The following UNC13C variants were observed in gnomAD, a reference collection of about 807,000 sequenced individuals.
UNC13C encodes the protein protein unc-13 homolog C.
Under a neutral mutation model 245.4 loss-of-function variants are expected in UNC13C, and 174 were observed. The ratio of observed to expected loss-of-function variants is 0.71; its 90% CI spans 0.63 to 0.80. The LOEUF (loss-of-function observed/expected upper bound fraction) is 0.80, where lower values mean the gene tolerates loss of function less well. UNC13C is among the 30% of genes least tolerant of loss of function. UNC13C has a pLI of 0.00. For missense variants in UNC13C, 2,829 were observed against 2,602.9 expected, an observed-to-expected ratio of 1.09 and a Z score of -1.89; for synonymous variants, 992 against 895.1, an observed-to-expected ratio of 1.11 and a Z score of -1.93.
chr15:53,931,224 AGTGG>A, the UNC13C span, among the ~76,000 whole-genome samples: 1 of 152,034 alleles, frequency 6.6e-6, no homozygotes, highest in African/African-American at 2.4e-5. Flanking sequence ...GCTGGAGTGC[AGTGG>A]CACGATCTTG....
the UNC13C span, among the ~76,000 whole-genome samples, chr15:53,947,424 C>A: frequency 6.6e-6 from 1 of 152,044 alleles, no homozygotes; most frequent in African/African-American, 2.4e-5. Flanking sequence ...AACAACAGTC[C>A]TCATTTCATC....
Position 53,993,412 on chromosome 15 carries a change from A to G in UNC13C, c.-257+14485A>G, listed in dbSNP as rs117554165. Among the ~76,000 whole-genome samples the G allele has an allele frequency of 9.2e-5, 14 of 152,196 alleles. No individual in the cohort carries two copies. In the East Asian group the frequency reaches 2.1e-3, roughly 23 times the overall value. ...ACCTCTCTCAGGGAGTGAGTCAACT[A>G]TGAACTCTTGGCAGCCAACATAACA... On this transcript the variant is annotated intron_variant, in intron 1 of 32. Transcript: ENST00000260323.
rs144816169 is a variant in UNC13C at position 54,500,742 on chromosome 15, C to T, written c.5158-93C>T. The T allele has an allele frequency of 6.8e-4, 667 of 984,018 alleles. 6 individuals carry two copies. The East Asian group carries it at 0.012, about 18-fold the overall frequency. 61.0% of individuals were successfully genotyped at this position (984,018 alleles called of 1,614,324 possible). ...TACTGGGAAATGTAAATATGTGATA[C>T]GGGAGATTCAGTTGTTGATGGGAAA... On this transcript the variant is annotated intron_variant, in intron 21 of 32. Transcript: ENST00000260323.
intron 19 of UNC13C, among the ~76,000 whole-genome samples, chr15:54,472,118 A>G (rs1209599747): frequency 2.0e-5 from 3 of 151,608 alleles, no homozygotes; most frequent in African/African-American, 4.8e-5. Context: ...TATCTTTTGT[A>G]CATCTATTAT....
chr15:54,557,322 G>C (rs534638808), intron 29 of UNC13C, among the ~76,000 whole-genome samples: 4 of 151,898 alleles, frequency 2.6e-5, no homozygotes, highest in African/African-American at 7.2e-5. Context: ...TAGGCCTGCT[G>C]TGCCTGCTAT....
the UNC13C span, among the ~76,000 whole-genome samples, chr15:53,902,901 C>A: frequency 6.0e-4 from 91 of 152,078 alleles, no homozygotes; most frequent in South Asian, 4.2e-3. Flanking sequence ...GGGTGATAGA[C>A]CAGATGGAGG....
intron 30 of UNC13C, among the ~76,000 whole-genome samples, chr15:54,569,576 A>G (rs1247359951): frequency 6.6e-6 from 1 of 151,800 alleles, no homozygotes; most frequent in Non-Finnish European, 1.5e-5. Context: ...GTGTGTGCAT[A>G]CATCTATGTA....
At chr15:54,147,985 G>A (rs1056018389) in intron 4 of UNC13C, among the ~76,000 whole-genome samples, 6 of 152,118 alleles carry the variant, frequency 3.9e-5, no homozygotes, top group African/African-American at 1.4e-4. Flanking sequence ...ATAGCACTAA[G>A]TTCCTTGAGC....
intron 18 of UNC13C, among the ~76,000 whole-genome samples, chr15:54,413,445 G>A (rs1436710558): frequency 1.3e-5 from 2 of 152,154 alleles, no homozygotes; most frequent in East Asian, 3.9e-4. Context: ...TGTTATGCTA[G>A]TATTTATGCT....
At chr15:54,450,233 G>A (rs1891093511) in intron 19 of UNC13C, among the ~76,000 whole-genome samples, 1 of 152,200 alleles carries the variant, frequency 6.6e-6, no homozygotes, top group South Asian at 2.1e-4. Flanking sequence ...CCCACTTGAG[G>A]AGTCAGTCTG....
At chr15:53,898,687 T>G in the UNC13C span, among the ~76,000 whole-genome samples, 1 of 152,202 alleles carries the variant, frequency 6.6e-6, no homozygotes, top group African/African-American at 2.4e-5. Flanking sequence ...GTATTTAAGG[T>G]GTACAATATG....
intron 18 of UNC13C, among the ~76,000 whole-genome samples, chr15:54,400,128 T>C (rs2040151787): frequency 6.6e-6 from 1 of 152,016 alleles, no homozygotes; most frequent in Non-Finnish European, 1.5e-5. Context: ...ATTTCATCCC[T>C]TCTTAGTTTA....
At chr15:54,026,511 C>T (rs1896114377) in intron 2 of UNC13C, among the ~76,000 whole-genome samples, 1 of 152,202 alleles carries the variant, frequency 6.6e-6, no homozygotes, top group African/African-American at 2.4e-5. Flanking sequence ...TAGTGGTTCT[C>T]AGGTTGCAGT....
chr15:54,307,523 A>G (rs2037758040), intron 13 of UNC13C, among the ~76,000 whole-genome samples: 1 of 151,984 alleles, frequency 6.6e-6, no homozygotes. Context: ...TAGCAGTAAA[A>G]GATAGCTCTT....
chr15:54,616,160 G>A (rs1415111983), intron 30 of UNC13C, among the ~76,000 whole-genome samples: 1 of 152,010 alleles, frequency 6.6e-6, no homozygotes. Flanking sequence ...TCAGCAAACT[G>A]TAGCCATGGA....
At chr15:54,323,010 T>C (rs2038204860) in intron 14 of UNC13C, among the ~76,000 whole-genome samples, 1 of 18,086 alleles carries the variant, frequency 5.5e-5, no homozygotes, top group Non-Finnish European at 3.3e-4. Flanking sequence ...TTTGTTCTCT[T>C]TTTTTTTTTT....
intron 32 of UNC13C, among the ~76,000 whole-genome samples, chr15:54,624,226 C>T (rs996435624): frequency 6.6e-6 from 1 of 152,098 alleles, no homozygotes; most frequent in African/African-American, 2.4e-5. Flanking sequence ...ATGATAAAGT[C>T]ACAAATATTT....
chr15:54,086,353 T>G (rs1193895870), intron 2 of UNC13C, among the ~76,000 whole-genome samples: 1 of 152,208 alleles, frequency 6.6e-6, no homozygotes, highest in Non-Finnish European at 1.5e-5. Flanking sequence ...AAAAAAGTTT[T>G]TTTTCCTTTG....
At chr15:54,189,289 G>T (rs1176002302) in intron 4 of UNC13C, among the ~76,000 whole-genome samples, 1 of 152,142 alleles carries the variant, frequency 6.6e-6, no homozygotes, top group East Asian at 1.9e-4. Flanking sequence ...TGAATTGGAG[G>T]ATATGGGTGT....
Sources: allele counts gnomAD v4.1 joint callset (sites outside exome capture counted in the v4.1 genomes callset), GRCh38; gene constraint gnomAD v4.1.1; transcripts MANE v1.5; gene names NCBI Gene and HGNC (gene_info 2026-07-23, HGNC 2026-07-21).